Variants in HSD17B12 observed in about 807,000 individuals in gnomAD.
HSD17B12 encodes very-long-chain 3-oxoacyl-CoA reductase.
A neutral mutation model predicts 39.3 loss-of-function variants in HSD17B12; 32 were observed. The observed-to-expected ratio is 0.81, with a 90% CI of 0.61 to 1.09. The LOEUF (loss-of-function observed/expected upper bound fraction) is 1.09, where lower values mean the gene tolerates loss of function less well. Ranked by LOEUF, HSD17B12 falls within the 50% of genes least tolerant of loss-of-function variation. The probability of loss-of-function intolerance (pLI) is 0.00; values close to 1 mark genes in which losing one functional copy is unlikely to be tolerated. For synonymous variants in HSD17B12, 150 were observed against 146.7 expected (o/e 1.02, Z -0.16); for missense variants, 342 against 382.9 (o/e 0.89, Z 0.89).
chr11:43,772,170 C>T (rs182389065), intron 3 of HSD17B12, among the ~76,000 whole-genome samples: 53 of 152,216 alleles, frequency 3.5e-4, no homozygotes, highest in African/African-American at 1.1e-3. Context: ...AGTGTTGAGT[C>T]GTTAATAGTG....
intron 1 of HSD17B12, among the ~76,000 whole-genome samples, chr11:43,719,889 G>A (rs368677820): frequency 1.3e-5 from 2 of 152,178 alleles, no homozygotes; most frequent in East Asian, 1.9e-4. Context: ...CAAACTGGTG[G>A]TACTTTTAGT....
At chr11:43,705,795 G>A (rs986064035) in intron 1 of HSD17B12, among the ~76,000 whole-genome samples, 4 of 114,262 alleles carry the variant, frequency 3.5e-5, no homozygotes, top group Non-Finnish European at 6.7e-5. Context: ...TTGAGATAGG[G>A]TCTTGCTCTG....
the HSD17B12 span, among the ~76,000 whole-genome samples, chr11:43,647,081 A>G: frequency 6.6e-6 from 1 of 152,212 alleles, no homozygotes; most frequent in Non-Finnish European, 1.5e-5. Context: ...TCTTGTGTTC[A>G]TTCAAAAAAG....
At chr11:43,681,591 C>T (rs1949745314) in intron 1 of HSD17B12, among the ~76,000 whole-genome samples, 1 of 152,020 alleles carries the variant, frequency 6.6e-6, no homozygotes, top group African/African-American at 2.4e-5. Context: ...AAGGAATTCT[C>T]GCTAAACTGT....
chr11:43,654,677 G>A, the HSD17B12 span, among the ~76,000 whole-genome samples: 1 of 152,046 alleles, frequency 6.6e-6, no homozygotes. Flanking sequence ...TCTTGATTTT[G>A]TCAGGTTTGT....
chr11:43,834,833 T>C (rs1951353280), intron 7 of HSD17B12, among the ~76,000 whole-genome samples: 1 of 152,164 alleles, frequency 6.6e-6, no homozygotes, highest in African/African-American at 2.4e-5. Flanking sequence ...AAAGAGAATA[T>C]GTTTATATGA....
chr11:43,769,371 A>G (rs544085940), intron 3 of HSD17B12, among the ~76,000 whole-genome samples: 2 of 152,388 alleles, frequency 1.3e-5, no homozygotes, highest in South Asian at 2.1e-4. Flanking sequence ...TTACAGTAAT[A>G]TTTTAAATGT....
chr11:43,726,493 A>G (rs978520243), intron 1 of HSD17B12, among the ~76,000 whole-genome samples: 4 of 152,196 alleles, frequency 2.6e-5, no homozygotes, highest in Non-Finnish European at 5.9e-5. Flanking sequence ...TTACCATTAG[A>G]TGAGATTAGG....
chr11:43,680,704 G>C, upstream of HSD17B12: 1 of 881,810 alleles, frequency 1.1e-6, no homozygotes, highest in Admixed American at 1.9e-5. Flanking sequence ...GCGGGGTTTA[G>C]GCCCAAAGTG....
At chr11:43,589,838 G>C in the HSD17B12 span, among the ~76,000 whole-genome samples, 12 of 152,268 alleles carry the variant, frequency 7.9e-5, no homozygotes, top group African/African-American at 2.9e-4. Context: ...GCCCTTATTA[G>C]CTGCATGCCC....
intron 3 of HSD17B12, among the ~76,000 whole-genome samples, chr11:43,767,553 A>G (rs2134978348): frequency 6.6e-6 from 1 of 152,288 alleles, no homozygotes; most frequent in South Asian, 2.1e-4. Context: ...TGATCATCTT[A>G]TTTTGCCATT....
At chr11:43,561,882 T>C in the HSD17B12 span, among the ~76,000 whole-genome samples, 3 of 152,142 alleles carry the variant, frequency 2.0e-5, no homozygotes, top group African/African-American at 7.2e-5. Context: ...CCTAGCACGG[T>C]GCTTGACCCA....
At chr11:43,773,287 A>G (rs1418077496) in intron 3 of HSD17B12, among the ~76,000 whole-genome samples, 1 of 152,226 alleles carries the variant, frequency 6.6e-6, no homozygotes, top group East Asian at 1.9e-4. Context: ...TTTGTCACCC[A>G]GGCTGGAGTG....
At chr11:43,634,243 A>C in the HSD17B12 span, among the ~76,000 whole-genome samples, 1 of 152,090 alleles carries the variant, frequency 6.6e-6, no homozygotes, top group African/African-American at 2.4e-5. Context: ...CTTCTTCCCT[A>C]CCAAAGGATG....
the HSD17B12 span, among the ~76,000 whole-genome samples, chr11:43,622,239 C>T: frequency 2.6e-5 from 4 of 152,230 alleles, no homozygotes; most frequent in African/African-American, 7.2e-5. Context: ...ATCACATGTA[C>T]GGAATAAGGA....
chr11:43,573,747 G>A, the HSD17B12 span, among the ~76,000 whole-genome samples: 1 of 152,192 alleles, frequency 6.6e-6, no homozygotes, highest in Non-Finnish European at 1.5e-5. Context: ...CAGAAACCAT[G>A]TGGCTTCTGT....
At chr11:43,724,585 T>G (rs1950204714) in intron 1 of HSD17B12, among the ~76,000 whole-genome samples, 1 of 152,182 alleles carries the variant, frequency 6.6e-6, no homozygotes, top group Non-Finnish European at 1.5e-5. Context: ...GACTGTTTCC[T>G]GGTTCACAGA....
chr11:43,615,871 G>C, the HSD17B12 span, among the ~76,000 whole-genome samples: 1 of 152,162 alleles, frequency 6.6e-6, no homozygotes, highest in Non-Finnish European at 1.5e-5. Context: ...TTCTGAAAAG[G>C]GGTGTGAAGT....
At chr11:43,821,394 C>T (rs1341811916) in intron 6 of HSD17B12, among the ~76,000 whole-genome samples, 4 of 152,162 alleles carry the variant, frequency 2.6e-5, no homozygotes, top group African/African-American at 9.7e-5. Context: ...GCAGGTAGAT[C>T]AGTCTCAAAC....
Sources: allele counts gnomAD v4.1 joint callset (sites outside exome capture counted in the v4.1 genomes callset), GRCh38; gene constraint gnomAD v4.1.1; transcripts MANE v1.5; gene names NCBI Gene and HGNC (gene_info 2026-07-23, HGNC 2026-07-21).